Variants in GPHN observed in about 807,000 individuals in gnomAD.
GPHN encodes gephyrin.
Under a neutral mutation model 95.5 loss-of-function variants are expected in GPHN, and 17 were observed. That is an observed-to-expected ratio of 0.18 (90% CI 0.12 to 0.27). The LOEUF is 0.27. Ranked by LOEUF, GPHN falls within the 10% of genes least tolerant of loss-of-function variation. The probability of loss-of-function intolerance (pLI) is 1.00; values close to 1 mark genes in which losing one functional copy is unlikely to be tolerated. For synonymous variants in GPHN, 320 were observed against 322.5 expected (o/e 0.99, Z 0.08); for missense variants, 660 against 978.1 (o/e 0.67, Z 4.34).
In GPHN at chr14:67,073,016, A is replaced by T. The variant is rs545924048; in HGVS notation, c.1144+14230A>T. 3.9e-5 allele frequency among the ~76,000 whole-genome samples: 6 copies of T among 152,186 alleles called. No homozygotes were observed. In the South Asian group the frequency reaches 1.2e-3, roughly 32 times the overall value. ...TCCCATCTAGGAGCTTTGTTTCATC[A>T]TGCATTTTATTTTATTTTTTATTTT... On this transcript the variant is annotated intron_variant, in intron 11 of 22. Transcript: ENST00000478722.
At chr14:67,459,446 TC>T in the GPHN span, among the ~76,000 whole-genome samples, 2 of 152,354 alleles carry the variant, frequency 1.3e-5, 1 homozygote, top group South Asian at 4.1e-4. Context: ...ATTCACTATT[TC>T]ATTTCTGGCA....
chr14:67,479,465 C>A, the GPHN span, among the ~76,000 whole-genome samples: 1 of 150,222 alleles, frequency 6.7e-6, no homozygotes, highest in East Asian at 2.0e-4. Context: ...TGCCTGTAAT[C>A]CCAGTACTTT....
At chr14:67,198,231 C>T in the GPHN span, 1 of 1,613,958 alleles carries the variant, frequency 6.2e-7, no homozygotes, top group African/African-American at 1.3e-5. Context: ...CCCACACTCC[C>T]ATGATCCGAG....
At chr14:67,232,165 G>A in the GPHN span, among the ~76,000 whole-genome samples, 4 of 152,114 alleles carry the variant, frequency 2.6e-5, no homozygotes, top group Non-Finnish European at 5.9e-5. Context: ...GTGGTGGTGT[G>A]TGGTTTTGGA....
the GPHN span, among the ~76,000 whole-genome samples, chr14:67,584,716 T>G: frequency 5.3e-5 from 8 of 152,222 alleles, no homozygotes; most frequent in Non-Finnish European, 1.0e-4. Context: ...GTGCTGGTTG[T>G]TTGAGGTTAT....
At chr14:66,575,057 A>C (rs2060849127) in intron 1 of GPHN, among the ~76,000 whole-genome samples, 1 of 152,156 alleles carries the variant, frequency 6.6e-6, no homozygotes, top group East Asian at 1.9e-4. Context: ...ATATCTATCT[A>C]TATATACATC....
the GPHN span, among the ~76,000 whole-genome samples, chr14:67,515,776 G>A: frequency 2.0e-4 from 30 of 152,342 alleles, no homozygotes; most frequent in Admixed American, 6.5e-4. Context: ...GCAGGCCCGG[G>A]CTACCTGAGG....
At chr14:66,684,504 T>C (rs2067206951) in intron 2 of GPHN, among the ~76,000 whole-genome samples, 1 of 152,208 alleles carries the variant, frequency 6.6e-6, no homozygotes, top group Non-Finnish European at 1.5e-5. Flanking sequence ...GAACCTAAAC[T>C]GACTAATTCA....
chr14:67,693,510 TAAAC>T, the GPHN span, among the ~76,000 whole-genome samples: 23 of 142,810 alleles, frequency 1.6e-4, no homozygotes, highest in South Asian at 3.9e-3. Context: ...TGGGACAAAA[TAAAC>T]AAGAAAAAAA....
At chr14:67,460,545 A>G in the GPHN span, among the ~76,000 whole-genome samples, 1 of 152,134 alleles carries the variant, frequency 6.6e-6, no homozygotes, top group Non-Finnish European at 1.5e-5. Context: ...CTCTACTAAA[A>G]GTACAAAAAT....
chr14:66,988,487 G>T (rs1271456272), intron 9 of GPHN, among the ~76,000 whole-genome samples: 2 of 151,912 alleles, frequency 1.3e-5, no homozygotes, highest in Non-Finnish European at 2.9e-5. Context: ...AGGTAATCTG[G>T]CAAGTAGACA....
intron 3 of GPHN, among the ~76,000 whole-genome samples, chr14:66,804,679 G>A (rs1412692389): frequency 6.6e-6 from 1 of 152,198 alleles, no homozygotes; most frequent in South Asian, 2.1e-4. Context: ...GGTAGGAAAA[G>A]CTGGACATTA....
At chr14:67,027,419 C>T (rs978068039) in intron 10 of GPHN, among the ~76,000 whole-genome samples, 2 of 152,128 alleles carry the variant, frequency 1.3e-5, no homozygotes, top group African/African-American at 2.4e-5. Context: ...CAACCTCCAC[C>T]TCCCAGGTTC....
intron 10 of GPHN, among the ~76,000 whole-genome samples, chr14:67,047,318 T>TTGTG (rs141822405): frequency 1.1e-4 from 15 of 132,944 alleles, no homozygotes; most frequent in African/African-American, 3.8e-4. Context: ...TTCATTTATT[T>TTGTG]TGTGTGTGTG....
chr14:66,936,026 G>C (rs975165766), intron 8 of GPHN, among the ~76,000 whole-genome samples: 1 of 152,050 alleles, frequency 6.6e-6, no homozygotes, highest in Non-Finnish European at 1.5e-5. Flanking sequence ...TTTCATAAAA[G>C]AAAAAGTAAA....
At chr14:67,508,938 C>T in the GPHN span, among the ~76,000 whole-genome samples, 1 of 151,800 alleles carries the variant, frequency 6.6e-6, no homozygotes, top group African/African-American at 2.4e-5. Context: ...GAGTCATAAT[C>T]AGGTCTCCAC....
chr14:67,309,849 A>G, the GPHN span, among the ~76,000 whole-genome samples: 2 of 152,160 alleles, frequency 1.3e-5, no homozygotes, highest in African/African-American at 4.8e-5. Context: ...GAAAAACAAC[A>G]TACTGGGTAG....
intron 8 of GPHN, among the ~76,000 whole-genome samples, chr14:66,958,776 T>C (rs149639038): frequency 1.1e-3 from 165 of 152,352 alleles, no homozygotes; most frequent in Admixed American, 1.0e-2. Flanking sequence ...AGTTGGATTA[T>C]AGTATTTTTA....
the GPHN span, chr14:67,678,231 G>A: frequency 1.1e-6 from 1 of 889,348 alleles, no homozygotes; most frequent in South Asian, 1.4e-5. Context: ...TTGTGCTAAA[G>A]GTTTTGAAAA....
Sources: gnomAD v4.1 joint callset for allele counts (sites outside exome capture counted in the v4.1 genomes callset) on GRCh38, gnomAD v4.1.1 for gene constraint, MANE v1.5 for transcripts, NCBI Gene and HGNC (gene_info 2026-07-23, HGNC 2026-07-21) for gene names.